The following TLN2 variants were observed in gnomAD, a reference collection of about 807,000 sequenced individuals.
TLN2 encodes talin-2.
TLN2 carries 118 observed loss-of-function variants against 294.7 expected under a neutral mutation model. That is an observed-to-expected ratio of 0.40 (90% CI 0.34 to 0.47). The LOEUF is 0.47. Ranked by LOEUF, TLN2 falls within the 20% of genes least tolerant of loss-of-function variation. TLN2 has a pLI of 0.84. For missense variants in TLN2, 3,083 were observed against 3,282.2 expected (o/e 0.94, Z 1.48); for synonymous variants, 1,431 against 1,304.5 (o/e 1.10, Z -2.09).
chr15:62,671,483 C>T (rs762257874), intron 9 of TLN2, among the ~76,000 whole-genome samples: 1 of 152,126 alleles, frequency 6.6e-6, no homozygotes, highest in East Asian at 1.9e-4. Flanking sequence ...GGTCCAATTT[C>T]TGTCTTTTGC....
At chr15:62,442,323 C>T (rs533265046) in intron 1 of TLN2, among the ~76,000 whole-genome samples, 3 of 151,668 alleles carry the variant, frequency 2.0e-5, no homozygotes, top group Non-Finnish European at 2.9e-5. Flanking sequence ...GGTGAAACCC[C>T]GTCTCTACTA....
intron 37 of TLN2, among the ~76,000 whole-genome samples, chr15:62,756,016 A>G (rs74381409): frequency 0.012 from 1,808 of 152,254 alleles, 32 homozygotes; most frequent in African/African-American, 0.041. Context: ...TTGCGTAGCA[A>G]ATACCCTGAT....
chr15:62,601,449 G>T (rs951408653), intron 2 of TLN2, among the ~76,000 whole-genome samples: 4 of 152,134 alleles, frequency 2.6e-5, no homozygotes, highest in Non-Finnish European at 5.9e-5. Context: ...TGAATCTCAA[G>T]GTTTGGTCAG....
At chr15:62,798,056 A>G (rs982291686) in intron 48 of TLN2, among the ~76,000 whole-genome samples, 7 of 152,098 alleles carry the variant, frequency 4.6e-5, no homozygotes, top group African/African-American at 1.4e-4. Flanking sequence ...CCCACCAGAG[A>G]CAGAGTTAAG....
intron 1 of TLN2, among the ~76,000 whole-genome samples, chr15:62,404,861 A>G (rs1163479934): frequency 6.6e-6 from 1 of 152,188 alleles, no homozygotes; most frequent in East Asian, 1.9e-4. Context: ...TGGGTAAAAC[A>G]TCAGCCAAGG....
chr15:62,812,819 G>T (rs929820204), intron 52 of TLN2, among the ~76,000 whole-genome samples: 1 of 152,182 alleles, frequency 6.6e-6, no homozygotes, highest in African/African-American at 2.4e-5. Context: ...CGGGCAGATG[G>T]CTGGCCTCTG....
intron 9 of TLN2, 144 bp downstream of exon 9, chr15:62,658,042 G>A: frequency 1.3e-6 from 1 of 787,712 alleles, no homozygotes; most frequent in Non-Finnish European, 1.9e-6. Context: ...TCGAGTAGAT[G>A]ACCAAATTTG....
intron 11 of TLN2, among the ~76,000 whole-genome samples, chr15:62,679,030 CTTT>C (rs71131118): frequency 1.3e-4 from 17 of 132,342 alleles, no homozygotes; most frequent in Admixed American, 3.0e-4. Context: ...TATACCAAGT[CTTT>C]TTTTTTTTTT....
chr15:62,615,244 TTC>T (rs1196843153), intron 2 of TLN2, among the ~76,000 whole-genome samples: 1 of 152,248 alleles, frequency 6.6e-6, no homozygotes, highest in Non-Finnish European at 1.5e-5. Context: ...GGCAGTAATT[TTC>T]TTTTTTAGCA....
At chr15:62,600,605 C>G (rs1202876556) in intron 2 of TLN2, among the ~76,000 whole-genome samples, 1 of 152,172 alleles carries the variant, frequency 6.6e-6, no homozygotes, top group Non-Finnish European at 1.5e-5. Context: ...CTCACATGCT[C>G]ACTGAGAGGA....
intron 32 of TLN2, among the ~76,000 whole-genome samples, chr15:62,742,533 G>T (rs952594676): frequency 6.6e-5 from 10 of 152,162 alleles, no homozygotes; most frequent in African/African-American, 2.4e-4. Context: ...AGATATAGAA[G>T]GAAACAGAGC....
intron 28 of TLN2, among the ~76,000 whole-genome samples, chr15:62,730,178 A>G (rs577641021): frequency 6.6e-6 from 1 of 151,982 alleles, no homozygotes; most frequent in Non-Finnish European, 1.5e-5. Flanking sequence ...AGTGGCTGGG[A>G]CTATAGGTGT....
intron 1 of TLN2, among the ~76,000 whole-genome samples, chr15:62,425,891 A>G (rs1266247579): frequency 6.6e-6 from 1 of 152,204 alleles, no homozygotes; most frequent in African/African-American, 2.4e-5. Context: ...AGAATAAATT[A>G]TTCTTTGTTG....
chr15:62,569,779 T>C (rs2043712955), intron 1 of TLN2, among the ~76,000 whole-genome samples: 2 of 152,180 alleles, frequency 1.3e-5, no homozygotes, highest in Admixed American at 1.3e-4. Context: ...GTTACCAGAG[T>C]AGTTTTATAA....
rs191703037 is a variant in TLN2 at position 62,601,548 on chromosome 15, A to G, written c.-162+11786A>G. On this transcript the variant is annotated intron_variant, in intron 2 of 58. Transcript: ENST00000636159. Reference sequence around the variant, plus strand: ...GGCAGGCTACATATTTTCATTGAGAAACACATAGTAACTGTAGACTCTTTG... The same window carrying G: ...GGCAGGCTACATATTTTCATTGAGAGACACATAGTAACTGTAGACTCTTTG... Among the ~76,000 whole-genome samples, 4 of 152,316 alleles carry G rather than the reference A, an allele frequency of 2.6e-5. No homozygotes were observed. In the East Asian group the frequency reaches 7.7e-4, roughly 29 times the overall value.
chr15:62,413,557 A>G (rs567380979), intron 1 of TLN2, among the ~76,000 whole-genome samples: 2 of 152,252 alleles, frequency 1.3e-5, no homozygotes, highest in African/African-American at 4.8e-5. Flanking sequence ...TACGGAACAC[A>G]GAACAGGGAA....
At chr15:62,669,757 C>A (rs1029627604) in intron 9 of TLN2, among the ~76,000 whole-genome samples, 1 of 152,220 alleles carries the variant, frequency 6.6e-6, no homozygotes, top group African/African-American at 2.4e-5. Flanking sequence ...TGAGCTGGAA[C>A]TACTGCGCTG....
Position 62,792,767 on chromosome 15 carries a change from G to A in TLN2, c.5863G>A (p.Ala1955Thr), listed in dbSNP as rs772217253. ...SYTKRELIEC[A>T]RAVTEKVSLV... ...CACCAAGAGGGAGCTGATCGAATGCGCCCGTGCCGTCACGGAAAAGGTAAG... is the reference window on the plus strand; with the variant it reads ...CACCAAGAGGGAGCTGATCGAATGCACCCGTGCCGTCACGGAAAAGGTAAG... Residue 1955 changes from alanine (A) to threonine (T), a missense_variant, in exon 46 of 59, where the codon GCC becomes ACC. Ala to Thr is a moderately conservative substitution (Grantham distance 58, BLOSUM62 0). Coordinates refer to ENST00000636159, the MANE Select transcript of TLN2 (RefSeq NM_015059.3). 45 of 1,613,894 alleles carry A rather than the reference G, an allele frequency of 2.8e-5. No individual in the cohort carries two copies. Among genetic ancestry groups the A allele is most frequent in the Admixed American group, 1.5e-4 (9 of 60,000 alleles).
chr15:62,775,455 C>T (rs2063651862), intron 42 of TLN2, among the ~76,000 whole-genome samples: 1 of 152,200 alleles, frequency 6.6e-6, no homozygotes, highest in African/African-American at 2.4e-5. Context: ...CACTTTACTT[C>T]ACTCATCCCA....
Sources: gnomAD v4.1 joint callset for allele counts (sites outside exome capture counted in the v4.1 genomes callset) on GRCh38, gnomAD v4.1.1 for gene constraint, MANE v1.5 for transcripts, NCBI Gene and HGNC (gene_info 2026-07-23, HGNC 2026-07-21) for gene names.